Variants in NELL1 observed in about 807,000 individuals in gnomAD.
The protein encoded by NELL1 is neural EGFL like 1, also known as protein kinase C-binding protein NELL1.
A neutral mutation model predicts 107.4 loss-of-function variants in NELL1; 76 were observed. The ratio of observed to expected loss-of-function variants is 0.71; its 90% CI spans 0.59 to 0.86. The LOEUF is 0.86. NELL1 is among the 40% of genes least tolerant of loss of function. The pLI is 0.00. For missense variants in NELL1, 1,024 were observed against 1,005.5 expected, an observed-to-expected ratio of 1.02 and a Z score of -0.25; for synonymous variants, 353 against 341.2, an observed-to-expected ratio of 1.03 and a Z score of -0.38.
intron 12 of NELL1, among the ~76,000 whole-genome samples, chr11:21,050,857 G>A (rs1413241315): frequency 6.6e-6 from 1 of 152,042 alleles, no homozygotes; most frequent in Non-Finnish European, 1.5e-5. Flanking sequence ...TGTCTCTATA[G>A]ATCTGGGGTT....
At chr11:20,919,135 T>G in intron 6 of NELL1, 117 bp from the exon 7 acceptor site, 1 of 490,898 alleles carries the variant, frequency 2.0e-6, no homozygotes, top group African/African-American at 2.0e-5. Flanking sequence ...TTCAAAGCAA[T>G]GTCAACCAAA....
Position 20,804,024 on chromosome 11 carries a change from T to C in NELL1, c.335+20194T>C, listed in dbSNP as rs187073841. Reference sequence around the variant, plus strand: ...TGCTCCTTAGCCTGCAGACAGCCTATTGTGATACCTGATGATTGTGTGAGT... The same window carrying C: ...TGCTCCTTAGCCTGCAGACAGCCTACTGTGATACCTGATGATTGTGTGAGT... On this transcript the variant is annotated intron_variant, in intron 3 of 19. Transcript: ENST00000357134. Among the ~76,000 whole-genome samples, 9 of 151,396 alleles carry C rather than the reference T, an allele frequency of 5.9e-5. No individual in the cohort carries two copies. The East Asian group carries it at 1.8e-3, about 30-fold the overall frequency.
chr11:21,425,402 C>CA (rs1436232053), intron 15 of NELL1, among the ~76,000 whole-genome samples: 2 of 152,108 alleles, frequency 1.3e-5, no homozygotes, highest in African/African-American at 4.8e-5. Flanking sequence ...CCTTCCTTAG[C>CA]AAAAATAACT....
At chr11:21,072,436 C>T (rs1450963067) in intron 12 of NELL1, among the ~76,000 whole-genome samples, 3 of 152,114 alleles carry the variant, frequency 2.0e-5, no homozygotes, top group South Asian at 4.1e-4. Flanking sequence ...GTTATTTTTT[C>T]TCCCCAGCTG....
intron 12 of NELL1, among the ~76,000 whole-genome samples, chr11:21,054,140 G>A (rs1174687171): frequency 6.6e-6 from 1 of 151,926 alleles, no homozygotes; most frequent in East Asian, 1.9e-4. Context: ...ATTTTGATTT[G>A]AACTCTTCCA....
At chr11:20,827,530 C>T (rs569823553) in intron 3 of NELL1, among the ~76,000 whole-genome samples, 3 of 151,376 alleles carry the variant, frequency 2.0e-5, no homozygotes, top group South Asian at 2.1e-4. Context: ...TCCACTTCGT[C>T]ATTCTTCCAT....
At chr11:21,496,900 G>A (rs1854994863) in intron 15 of NELL1, among the ~76,000 whole-genome samples, 1 of 151,990 alleles carries the variant, frequency 6.6e-6, no homozygotes, top group Non-Finnish European at 1.5e-5. Flanking sequence ...CCTTGCAATA[G>A]TTTGCTGAGA....
intron 17 of NELL1, among the ~76,000 whole-genome samples, chr11:21,567,746 A>G (rs564384614): frequency 5.3e-5 from 8 of 151,948 alleles, no homozygotes; most frequent in South Asian, 2.1e-4. Flanking sequence ...GGGCAAGTCC[A>G]TCAAGTTTTC....
chr11:20,842,248 G>A (rs1848635146), intron 3 of NELL1, among the ~76,000 whole-genome samples: 2 of 151,998 alleles, frequency 1.3e-5, no homozygotes, highest in South Asian at 2.1e-4. Context: ...ATGGTGGTGG[G>A]GTGCCTGTAA....
chr11:20,736,101 C>T (rs1855754961), intron 2 of NELL1, among the ~76,000 whole-genome samples: 1 of 152,088 alleles, frequency 6.6e-6, no homozygotes, highest in African/African-American at 2.4e-5. Flanking sequence ...CAAAGATGAG[C>T]TAGTTCTGCC....
intron 15 of NELL1, among the ~76,000 whole-genome samples, chr11:21,431,820 T>G (rs1292328975): frequency 6.6e-6 from 1 of 152,174 alleles, no homozygotes; most frequent in Non-Finnish European, 1.5e-5. Flanking sequence ...TGTTGTGCCT[T>G]GTGCTGTTAG....
chr11:20,950,678 G>A (rs1851052383), intron 11 of NELL1, among the ~76,000 whole-genome samples: 2 of 152,314 alleles, frequency 1.3e-5, no homozygotes, highest in South Asian at 4.1e-4. Context: ...TCTATGTAAA[G>A]TAATTTGTAT....
chr11:21,004,483 A>C (rs886127332), intron 12 of NELL1, among the ~76,000 whole-genome samples: 1 of 152,134 alleles, frequency 6.6e-6, no homozygotes, highest in African/African-American at 2.4e-5. Context: ...GAGAAGCCAT[A>C]TTTAATGTTA....
intron 4 of NELL1, among the ~76,000 whole-genome samples, chr11:20,863,468 C>T (rs184195273): frequency 5.7e-4 from 56 of 98,664 alleles, no homozygotes; most frequent in African/African-American, 1.1e-3. Context: ...ACTTCTCAGA[C>T]GGGGCGGCCG....
chr11:21,570,797 G>C lies in NELL1; in HGVS notation c.2014G>C (p.Asp672His). ...GKIFCRRTAC[D>H]CQNPSADLFC... Reference sequence around the variant, plus strand: ...GATATTCTGCCGACGGACAGCTTGTGATTGCCAGAATCCAAGTGCTGACCT... The same window carrying C: ...GATATTCTGCCGACGGACAGCTTGTCATTGCCAGAATCCAAGTGCTGACCT... Residue 672 changes from aspartate to histidine, a missense_variant, in exon 18 of 20, where the codon GAT becomes CAT. By Grantham distance (81) the Asp-to-His change is moderately conservative. Coordinates refer to ENST00000357134, the MANE Select transcript of NELL1 (RefSeq NM_006157.5). The C allele has an allele frequency of 1.9e-6, 3 of 1,611,564 alleles. No homozygotes were observed. Among genetic ancestry groups the C allele is most frequent in the Non-Finnish European group, 2.5e-6 (3 of 1,178,526 alleles).
chr11:20,704,224 C>T (rs1317266544), intron 2 of NELL1, among the ~76,000 whole-genome samples: 1 of 152,174 alleles, frequency 6.6e-6, no homozygotes, highest in Non-Finnish European at 1.5e-5. Flanking sequence ...ATCATTAGCT[C>T]TTCTTGTTGA....
chr11:21,470,194 T>C (rs1363789365), intron 15 of NELL1, among the ~76,000 whole-genome samples: 5 of 152,088 alleles, frequency 3.3e-5, no homozygotes, highest in African/African-American at 4.8e-5. Context: ...GCAAAATTGG[T>C]ACAAAGTAAT....
In NELL1 at chr11:20,760,249, A is replaced by G. The variant is rs60232912; in HGVS notation, c.185-23431A>G. 1.3e-3 allele frequency among the ~76,000 whole-genome samples: 199 copies of G among 152,322 alleles called. 1 individual carries two copies. The highest frequency in any genetic ancestry group is 4.5e-3 in the African/African-American group (189 of 41,572). On this transcript the variant is annotated intron_variant, in intron 2 of 19. Coordinates refer to ENST00000357134, the MANE Select transcript of NELL1 (RefSeq NM_006157.5). ...ATTGGAGAAATGCCAACATTTTTGC[A>G]CCATCAGTGAAAGATTTCAGCTGGA...
intron 12 of NELL1, among the ~76,000 whole-genome samples, chr11:21,044,637 T>A (rs1853313682): frequency 6.6e-6 from 1 of 152,122 alleles, no homozygotes; most frequent in Non-Finnish European, 1.5e-5. Flanking sequence ...GCAAGTGGCT[T>A]AACATCTAGG....
Sources: allele counts gnomAD v4.1 joint callset (sites outside exome capture counted in the v4.1 genomes callset), GRCh38; gene constraint gnomAD v4.1.1; transcripts MANE v1.5; gene names NCBI Gene and HGNC (gene_info 2026-07-23, HGNC 2026-07-21).